GABRB1: variants seen among roughly 807,000 people sequenced by gnomAD.
GABRB1 encodes gamma-aminobutyric acid receptor subunit beta-1.
In GABRB1, 17 loss-of-function variants were observed where a neutral mutation model predicts 51.6. The observed-to-expected ratio is 0.33, with a 90% CI of 0.23 to 0.49. The LOEUF (loss-of-function observed/expected upper bound fraction) is 0.49, where lower values mean the gene tolerates loss of function less well. GABRB1 is among the 20% of genes least tolerant of loss of function. The pLI is 0.99. For missense variants in GABRB1, 410 were observed against 600.6 expected, an observed-to-expected ratio of 0.68 and a Z score of 3.32; for synonymous variants, 247 against 218.9, an observed-to-expected ratio of 1.13 and a Z score of -1.14.
chr4:47,144,042 A>T (rs1458893829), intron 3 of GABRB1, among the ~76,000 whole-genome samples: 1 of 151,938 alleles, frequency 6.6e-6, no homozygotes, highest in Admixed American at 6.6e-5. Flanking sequence ...GTTTCTCCTT[A>T]ACCACACTAA....
chr4:47,247,359 A>G (rs928694386), intron 4 of GABRB1, among the ~76,000 whole-genome samples: 2 of 151,958 alleles, frequency 1.3e-5, no homozygotes, highest in African/African-American at 4.8e-5. Flanking sequence ...TGGGTTCTCT[A>G]TTCTGTTCCA....
intron 5 of GABRB1, among the ~76,000 whole-genome samples, chr4:47,394,145 A>C (rs1201278803): frequency 1.3e-5 from 2 of 152,124 alleles, no homozygotes; most frequent in Non-Finnish European, 2.9e-5. Context: ...CTGATGGGTG[A>C]CTCTAAAGCT....
At chr4:47,321,351 T>C (rs1725082178) in intron 5 of GABRB1, among the ~76,000 whole-genome samples, 1 of 152,196 alleles carries the variant, frequency 6.6e-6, no homozygotes, top group South Asian at 2.1e-4. Flanking sequence ...AGTTCCACTG[T>C]ATATATGGAA....
In GABRB1 at chr4:47,238,678, T is replaced by A. The variant is rs1042940821; in HGVS notation, c.461+77209T>A. On this transcript the variant is annotated intron_variant, in intron 4 of 8. Coordinates refer to ENST00000295454, the MANE Select transcript of GABRB1 (RefSeq NM_000812.4). Reference sequence around the variant, plus strand: ...ACCAAAAGGACATATTTATTCTGTATGAAAAATTTGAAATATCCTAAGTGT... The same window carrying A: ...ACCAAAAGGACATATTTATTCTGTAAGAAAAATTTGAAATATCCTAAGTGT... Among the ~76,000 whole-genome samples, 2 of 152,126 alleles carry A rather than the reference T, an allele frequency of 1.3e-5. 1 individual carries two copies. Among genetic ancestry groups the A allele is most frequent in the South Asian group, 4.1e-4 (2 of 4,838 alleles).
At chr4:47,112,501 C>T (rs956767308) in intron 3 of GABRB1, among the ~76,000 whole-genome samples, 19 of 152,226 alleles carry the variant, frequency 1.2e-4, no homozygotes, top group Admixed American at 7.2e-4. Flanking sequence ...AGGTTCACCA[C>T]TGAATACTTT....
chr4:46,997,482 A>G (rs1180126551), intron 1 of GABRB1, among the ~76,000 whole-genome samples: 2 of 151,644 alleles, frequency 1.3e-5, no homozygotes, highest in South Asian at 4.2e-4. Context: ...GTACGCTTCA[A>G]GCTGTATCTC....
intron 5 of GABRB1, among the ~76,000 whole-genome samples, chr4:47,365,269 A>T (rs1359563368): frequency 1.3e-5 from 2 of 152,254 alleles, no homozygotes; most frequent in Admixed American, 1.3e-4. Flanking sequence ...GTTTAGATAC[A>T]GTGAACCCTA....
At chr4:47,007,893 T>TATATATATATATATATATATATAA (rs1724457354) in intron 1 of GABRB1, among the ~76,000 whole-genome samples, 1 of 25,942 alleles carries the variant, frequency 3.9e-5, no homozygotes, top group African/African-American at 1.2e-4. Flanking sequence ...TATATATATA[T>TATATATATATATATATATATATAA]AAAATCAAGT....
At chr4:47,383,725 A>G (rs911806887) in intron 5 of GABRB1, among the ~76,000 whole-genome samples, 27 of 152,168 alleles carry the variant, frequency 1.8e-4, no homozygotes, top group African/African-American at 6.5e-4. Context: ...ATGTTAGTGA[A>G]AGTATTATAA....
At chr4:47,336,806 G>T (rs986638844) in intron 5 of GABRB1, among the ~76,000 whole-genome samples, 1 of 152,122 alleles carries the variant, frequency 6.6e-6, no homozygotes, top group Admixed American at 6.6e-5. Flanking sequence ...AGTTATGAGG[G>T]GGATAAGACA....
intron 5 of GABRB1, among the ~76,000 whole-genome samples, chr4:47,342,008 GTGAAGCTCAATAGCAT>G (rs1218441292): frequency 6.6e-6 from 1 of 152,196 alleles, no homozygotes; most frequent in African/African-American, 2.4e-5. Context: ...GTGAAATCCT[GTGAAGCTCAATAGCAT>G]TGAGGTCAAA....
chr4:47,030,764 T>C (rs1725263679), upstream of GABRB1, among the ~76,000 whole-genome samples: 1 of 152,188 alleles, frequency 6.6e-6, no homozygotes, highest in Non-Finnish European at 1.5e-5. Context: ...AGAGTTCTGC[T>C]AGGGGTCACA....
chr4:47,003,829 T>C (rs1172301975), intron 1 of GABRB1, among the ~76,000 whole-genome samples: 1 of 152,212 alleles, frequency 6.6e-6, no homozygotes, highest in Non-Finnish European at 1.5e-5. Context: ...GAACCTTAGG[T>C]CTAGGAAATT....
intron 4 of GABRB1, among the ~76,000 whole-genome samples, chr4:47,190,798 G>T (rs1719409792): frequency 6.6e-6 from 1 of 151,992 alleles, no homozygotes; most frequent in Non-Finnish European, 1.5e-5. Context: ...ATTTGGGTGG[G>T]GCCTGAGATC....
chr4:47,081,247 C>G (rs149922843), intron 3 of GABRB1, among the ~76,000 whole-genome samples: 1 of 152,098 alleles, frequency 6.6e-6, no homozygotes, highest in South Asian at 2.1e-4. Flanking sequence ...AGTGGAAGCA[C>G]GTTTATGCAA....
chr4:47,038,602 G>A (rs961230849), intron 3 of GABRB1, among the ~76,000 whole-genome samples: 1 of 152,106 alleles, frequency 6.6e-6, no homozygotes, highest in African/African-American at 2.4e-5. Flanking sequence ...CCTTCCATGA[G>A]GTGACTGAGA....
At chr4:47,263,301 T>C (rs1722521303) in intron 4 of GABRB1, among the ~76,000 whole-genome samples, 1 of 152,108 alleles carries the variant, frequency 6.6e-6, no homozygotes, top group South Asian at 2.1e-4. Flanking sequence ...TAGATAGATT[T>C]AGTGGATGCA....
At chr4:47,182,737 A>T (rs1719004821) in intron 4 of GABRB1, among the ~76,000 whole-genome samples, 1 of 152,124 alleles carries the variant, frequency 6.6e-6, no homozygotes, top group South Asian at 2.1e-4. Flanking sequence ...AAAGCAAGGT[A>T]ATAAGTTGCT....
intron 8 of GABRB1, among the ~76,000 whole-genome samples, chr4:47,411,266 A>C (rs1379652896): frequency 6.6e-6 from 1 of 152,336 alleles, no homozygotes; most frequent in Admixed American, 6.5e-5. Context: ...CAATAGATGA[A>C]TGGTTAAACA....
Sources: allele counts gnomAD v4.1 joint callset (sites outside exome capture counted in the v4.1 genomes callset), GRCh38; gene constraint gnomAD v4.1.1; transcripts MANE v1.5; gene names NCBI Gene and HGNC (gene_info 2026-07-23, HGNC 2026-07-21).